Variants in RPL15 observed in about 807,000 individuals in gnomAD.
RPL15 encodes ribosomal protein L15.
For missense variants in RPL15, 161 were observed against 271.8 expected (o/e 0.59, Z 2.87); for synonymous variants, 97 against 95.1 (o/e 1.02, Z -0.12).
chr3:23,921,805 C>T, downstream of RPL15: 1 of 566,188 alleles, frequency 1.8e-6, no homozygotes, highest in South Asian at 2.2e-5. Context: ...GAACTCCTGA[C>T]CTCAAGTGAT....
rs558835275 is a variant in RPL15, at chr3:23,920,296, T to C, written c.*795T>C. 1.0e-6 allele frequency: 1 copy of C among 985,850 alleles called. No individual in the cohort carries two copies. The highest frequency in any genetic ancestry group is 1.2e-6 in the Non-Finnish European group (1 of 829,924). The allele number at this position is 985,850 out of a possible 1,614,324, so 61.1% of individuals were successfully genotyped here. On this transcript the variant is annotated 3_prime_UTR_variant, in exon 4 of 4. Coordinates refer to ENST00000307839, the MANE Select transcript of RPL15 (RefSeq NM_002948.5). ...AAAGTAGTTGGCTATAAGTACGTCA[T>C]TCTTAGTCCAGTCAGTCTTAAAAAC...
downstream of RPL15, chr3:23,922,741 T>G (rs1705131652): frequency 6.6e-6 from 1 of 152,202 alleles, no homozygotes; most frequent in Non-Finnish European, 1.5e-5. The surrounding 1 kb of genome is among the most constrained non-coding windows in gnomAD (Gnocchi z 4.2). Context: ...AAGATAAGTA[T>G]AGGCTCTACA....
chr3:23,921,467 G>A, downstream of RPL15: 1 of 623,394 alleles, frequency 1.6e-6, no homozygotes, highest in Non-Finnish European at 2.8e-6. Context: ...CCAATATTAA[G>A]GGTCACTTTA....
intron 1 of RPL15, chr3:23,917,433 A>T (rs1704675546): frequency 6.5e-6 from 1 of 154,540 alleles, no homozygotes; most frequent in Non-Finnish European, 1.4e-5. Context: ...GCCCGGGACA[A>T]GGCAGCCTAA....
In RPL15 at chr3:23,919,921, T is replaced by C; in HGVS notation, c.*420T>C. ...TTTTAGTTTGGCAGGTGTAGACTTT[T>C]TAAGTTGGGCTTTAGAAAATCTGGG... On this transcript the variant is annotated 3_prime_UTR_variant, in exon 4 of 4. Transcript: ENST00000307839. 1 of 990,332 alleles carries C rather than the reference T, an allele frequency of 1.0e-6. No homozygotes were observed. Among genetic ancestry groups the C allele is most frequent in the African/African-American group, 1.7e-5 (1 of 57,460 alleles). The allele number at this position is 990,332 out of a possible 1,614,324, so 61.3% of individuals were successfully genotyped here.
chr3:23,920,137 C>T lies in RPL15; in HGVS notation c.*636C>T. The T allele has an allele frequency of 1.0e-6, 1 of 985,722 alleles. No individual in the cohort carries two copies. Among genetic ancestry groups the T allele is most frequent in the Non-Finnish European group, 1.2e-6 (1 of 829,834 alleles). The allele number at this position is 985,722 out of a possible 1,614,324, so 61.1% of individuals were successfully genotyped here. On this transcript the variant is annotated 3_prime_UTR_variant, in exon 4 of 4. Transcript: ENST00000307839. ...AAGATTGGTAAGCTAGCAATGAATG[C>T]TAGGGTGGGAAGCTGGTGAGCCAGT...
downstream of RPL15, chr3:23,921,570 G>GT (rs71622703): frequency 0.046 from 23,038 of 500,736 alleles, 59 homozygotes; most frequent in East Asian, 0.095. Flanking sequence ...TGATTATTGA[G>GT]TTTTTTTTTT....
At chr3:23,918,952 CCTGCCCTAGT>C in intron 3 of RPL15, 1 of 555,272 alleles carries the variant, frequency 1.8e-6, no homozygotes, top group African/African-American at 1.9e-5. Flanking sequence ...TTAACATATT[CCTGCCCTAGT>C]CAGGAATGGA....
At position 23,920,527 on chromosome 3, in the gene RPL15, C is replaced by G. The variant is rs1410756618; in HGVS notation, c.*1026C>G. 2.0e-6 allele frequency: 2 copies of G among 985,166 alleles called. No individual in the cohort carries two copies. Among genetic ancestry groups the G allele is most frequent in the African/African-American group, 3.5e-5 (2 of 57,230 alleles). 61.0% of individuals were successfully genotyped at this position (985,166 alleles called of 1,614,324 possible). A position where few individuals can be genotyped will look rare whatever the true frequency, so the allele number is the denominator to read the frequency against. ...CCACCACATTGCATTTCTGTTTGCA[C>G]CATGTCTTCCAGGAGACTAGACTAC... On this transcript the variant is annotated 3_prime_UTR_variant, in exon 4 of 4. Coordinates refer to ENST00000307839, the MANE Select transcript of RPL15 (RefSeq NM_002948.5).
chr3:23,918,304 G>A, intron 2 of RPL15, 136 bp from the exon 3 acceptor site: 1 of 1,067,634 alleles, frequency 9.4e-7, no homozygotes, highest in Non-Finnish European at 1.3e-6. Flanking sequence ...AGACTGGGAT[G>A]TGTTTTATTT....
intron 3 of RPL15, 64 bp from the exon 4 acceptor site, chr3:23,919,132 T>C (rs1434684878): frequency 1.2e-5 from 13 of 1,123,562 alleles, no homozygotes; most frequent in Non-Finnish European, 1.7e-5. Context: ...GAATTAAAAT[T>C]CTTTCTGACT....
intron 1 of RPL15, 105 bp downstream of exon 1, chr3:23,917,278 C>G (rs770161434): frequency 6.6e-6 from 1 of 152,572 alleles, no homozygotes; most frequent in Non-Finnish European, 1.5e-5. Flanking sequence ...GGTCTCCCTC[C>G]TGTGCGGCCA....
At chr3:23,918,673 C>G in intron 3 of RPL15, 97 bp downstream of exon 3, 1 of 1,388,166 alleles carries the variant, frequency 7.2e-7, no homozygotes, top group African/African-American at 1.4e-5. Context: ...GGTGAGCTGT[C>G]TCGTATATAA....
At chr3:23,922,383 T>C (rs577865117), downstream of RPL15, 67 of 152,348 alleles carry the variant, frequency 4.4e-4, no homozygotes, top group African/African-American at 1.5e-3. This position sits in a 1 kb window ranked among gnomAD's most constrained non-coding sequence, Gnocchi z 4.2. Flanking sequence ...TCCTATACAC[T>C]TAAAGTTTAT....
chr3:23,919,941 T>A lies in RPL15; in HGVS notation c.*440T>A. The A allele has an allele frequency of 1.0e-6, 1 of 989,496 alleles. No individual in the cohort carries two copies. The highest frequency in any genetic ancestry group is 1.2e-6 in the Non-Finnish European group (1 of 832,418). The allele number at this position is 989,496 out of a possible 1,614,324, so 61.3% of individuals were successfully genotyped here. ...ACTTTTTAAGTTGGGCTTTAGAAAA[T>A]CTGGGTTAGCCTGAAGAAAATTGCC... On this transcript the variant is annotated 3_prime_UTR_variant, in exon 4 of 4. Transcript: ENST00000307839.
downstream of RPL15, chr3:23,921,576 T>TG: frequency 3.2e-6 from 2 of 629,070 alleles, no homozygotes; most frequent in Admixed American, 2.4e-5. Flanking sequence ...TTGAGTTTTT[T>TG]TTTTTTTTTT....
chr3:23,924,617 C>T (rs1004697468), downstream of RPL15, among the ~76,000 whole-genome samples: 2 of 152,098 alleles, frequency 1.3e-5, no homozygotes, highest in African/African-American at 4.8e-5. Flanking sequence ...CCAGGCTGGT[C>T]TATTACCCCT....
chr3:23,920,683 C>T lies in RPL15; in HGVS notation c.*1182C>T, dbSNP rs1454802748. The T allele has an allele frequency of 1.0e-6, 1 of 985,060 alleles. No homozygotes were observed. The highest frequency in any genetic ancestry group is 1.2e-6 in the Non-Finnish European group (1 of 829,780). The allele number at this position is 985,060 out of a possible 1,614,324, so 61.0% of individuals were successfully genotyped here. The stretch of plus-strand genomic sequence containing the variant: ...TTTCTCCTATCTTCTCTAGGGGTTT[C>T]AAAAGACTCAGTTAATTGATTTCCA... On this transcript the variant is annotated 3_prime_UTR_variant, in exon 4 of 4. Coordinates refer to ENST00000307839, the MANE Select transcript of RPL15 (RefSeq NM_002948.5).
At chr3:23,921,717 G>T (rs1005883006), downstream of RPL15, 4 of 646,658 alleles carry the variant, frequency 6.2e-6, no homozygotes, top group South Asian at 7.0e-5. Context: ...CAGGACTACA[G>T]GCGCACACTG....
Sources: allele counts gnomAD v4.1 joint callset (sites outside exome capture counted in the v4.1 genomes callset), GRCh38; gene constraint gnomAD v4.1.1; non-coding constraint Gnocchi (gnomAD v3.1); transcripts MANE v1.5; gene names NCBI Gene and HGNC (gene_info 2026-07-23, HGNC 2026-07-21).